CDKL2: variants seen among roughly 807,000 people sequenced by gnomAD.
CDKL2 encodes the protein cyclin-dependent kinase-like 2.
Under a neutral mutation model 63.9 loss-of-function variants are expected in CDKL2, and 64 were observed. That is an observed-to-expected ratio of 1.00 (90% confidence interval 0.82 to 1.23). The LOEUF (loss-of-function observed/expected upper bound fraction) is 1.23. Ranked by LOEUF, CDKL2 falls within the 50% of genes most tolerant of loss-of-function variation. The pLI is 0.00. For synonymous variants in CDKL2, 211 were observed against 229.2 expected (o/e 0.92, Z 0.72); for missense variants, 656 against 668.0 (o/e 0.98, Z 0.20).
intron 3 of CDKL2, among the ~76,000 whole-genome samples, chr4:75,610,877 C>T (rs1357502566): frequency 6.6e-6 from 1 of 152,042 alleles, no homozygotes; most frequent in African/African-American, 2.4e-5. Flanking sequence ...CCAGCCACTA[C>T]CGTTATTATC....
intron 7 of CDKL2, among the ~76,000 whole-genome samples, chr4:75,599,881 A>G (rs1217876723): frequency 6.6e-6 from 1 of 152,214 alleles, no homozygotes; most frequent in Non-Finnish European, 1.5e-5. Context: ...TCTCCAACAC[A>G]TCAGCAGTGT....
At chr4:75,589,536 C>T (rs1688772883) in intron 12 of CDKL2, among the ~76,000 whole-genome samples, 2 of 151,524 alleles carry the variant, frequency 1.3e-5, no homozygotes, top group African/African-American at 4.8e-5. Context: ...GATCTCCTGA[C>T]CTCGTGATCC....
chr4:75,587,328 C>A (rs1377661445), intron 12 of CDKL2, among the ~76,000 whole-genome samples: 1 of 152,000 alleles, frequency 6.6e-6, no homozygotes, highest in Non-Finnish European at 1.5e-5. Context: ...GTGGCTCATG[C>A]CTGTAATCCC....
At chr4:75,615,226 G>A (rs1051519269) in intron 2 of CDKL2, among the ~76,000 whole-genome samples, 1 of 152,090 alleles carries the variant, frequency 6.6e-6, no homozygotes, top group African/African-American at 2.4e-5. Context: ...GTGAATTATG[G>A]TAAATTCCTG....
chr4:75,597,284 G>A, intron 8 of CDKL2, 48 bp from the exon 9 acceptor site: 2 of 1,212,134 alleles, frequency 1.6e-6, no homozygotes, highest in Non-Finnish European at 2.3e-6. Flanking sequence ...TGAAGAGAAT[G>A]AAAATTTACC....
In CDKL2 at chr4:75,602,987, C is replaced by CTTTT. The variant is rs1165939407; in HGVS notation, c.795+826_795+829dup. 5.8e-4 allele frequency among the ~76,000 whole-genome samples: 51 copies of CTTTT among 87,462 alleles called. 1 individual carries two copies. Among genetic ancestry groups the CTTTT allele is most frequent in the African/African-American group, 9.9e-4 (22 of 22,174 alleles). The allele number at this position is 87,462 out of a possible 152,430, so 57.4% of individuals were successfully genotyped here. On this transcript the variant is annotated intron_variant, in intron 6 of 13. Transcript: ENST00000307465. ...AATGCTAGATAACAATAAATGGTTT[C>CTTTT]TTTTTTTTTTTTTTTTTTTTTTTGA...
At chr4:75,605,488 C>A (rs760233144) in intron 5 of CDKL2, 34 bp downstream of exon 5, 6 of 1,276,068 alleles carry the variant, frequency 4.7e-6, no homozygotes, top group Admixed American at 1.9e-5. Flanking sequence ...GCAGAAAAAT[C>A]TCTAAAATTT....
chr4:75,598,010 T>C (rs1283464955), intron 8 of CDKL2, 67 bp downstream of exon 8: 5 of 1,130,684 alleles, frequency 4.4e-6, no homozygotes, highest in Middle Eastern at 3.0e-4. Flanking sequence ...TTCAAAATCA[T>C]ATTTTTTCTC....
Position 75,607,191 on chromosome 4 carries a change from C to T in CDKL2, c.534G>A (p.Lys178=), listed in dbSNP as rs1729454877. The T allele has an allele frequency of 1.2e-6, 2 of 1,606,826 alleles. No individual in the cohort carries two copies. The highest frequency in any genetic ancestry group is 1.7e-5 in the Admixed American group (1 of 58,988). ...RAPELLVGDV[K]YGKAVDVWAI... is the part of the protein sequence containing the mutation. ...CATTACTGATGTCTTACTTGCCATA[C>T]TTGACATCACCAACCAATAGTTCTG... is the stretch of plus-strand genomic sequence containing the variant. Residue 178 remains lysine (K), a synonymous_variant, in exon 4 of 14, where the codon AAG becomes AAA. Transcript: ENST00000307465.
At chr4:75,605,673 A>C in intron 4 of CDKL2, 39 bp from the exon 5 acceptor site, 1 of 1,357,212 alleles carries the variant, frequency 7.4e-7, no homozygotes, top group Non-Finnish European at 1.1e-6. Flanking sequence ...CTGGCATCCT[A>C]ATATGCTCCA....
intron 6 of CDKL2, among the ~76,000 whole-genome samples, chr4:75,602,058 A>G (rs1302733466): frequency 6.6e-6 from 1 of 152,236 alleles, no homozygotes; most frequent in African/African-American, 2.4e-5. Context: ...CAAATACAAC[A>G]AAAAAGTATT....
chr4:75,609,364 T>A (rs1729574580), intron 3 of CDKL2, among the ~76,000 whole-genome samples: 1 of 151,944 alleles, frequency 6.6e-6, no homozygotes, highest in Admixed American at 6.6e-5. Context: ...CCCAGCACTT[T>A]GGGAGGTTGA....
chr4:75,587,222 G>A (rs1024362514), intron 12 of CDKL2, among the ~76,000 whole-genome samples: 2 of 152,080 alleles, frequency 1.3e-5, no homozygotes, highest in Admixed American at 1.3e-4. Context: ...GGGAGGCTGA[G>A]GTGGGTGTAT....
At chr4:75,613,116 C>T (rs1459550583) in intron 3 of CDKL2, among the ~76,000 whole-genome samples, 1 of 68,296 alleles carries the variant, frequency 1.5e-5, no homozygotes. Context: ...TAGAGGGAGA[C>T]TCCGTTTCAA....
rs1424254733 is a variant in CDKL2 at position 75,625,913 on chromosome 4, T to G, written c.76A>C (p.Thr26Pro). The change falls in exon 2 of 14, where the codon ACT becomes CCT. Residue 26 changes from threonine (T) to proline (P), a missense_variant. Transcript: ENST00000307465. Reference protein sequence around the residue: ...GMVMKCRNKDTGRIVAIKKFL... With the variant: ...GMVMKCRNKDPGRIVAIKKFL... ...TTCTTTATGGCCACAATTCTTCCAG[T>G]ATCTTTATTCCTACACTTCATCACC... 4 of 1,612,840 alleles carry G rather than the reference T, an allele frequency of 2.5e-6. No individual in the cohort carries two copies. The Admixed American group carries it at 6.7e-5, about 27-fold the overall frequency.
chr4:75,622,743 A>AAAAAAAAAAAAAAG (rs1730212598), intron 2 of CDKL2, among the ~76,000 whole-genome samples: 1 of 149,326 alleles, frequency 6.7e-6, no homozygotes, highest in Non-Finnish European at 1.5e-5. Flanking sequence ...AAAAAAAAAA[A>AAAAAAAAAAAAAAG]ACAGACAAGA....
At chr4:75,614,497 GT>G in intron 2 of CDKL2, 48 bp from the exon 3 acceptor site, 1 of 1,186,312 alleles carries the variant, frequency 8.4e-7, no homozygotes, top group Non-Finnish European at 1.2e-6. Flanking sequence ...ATGCAAAATA[GT>G]TTATATAAAC....
intron 3 of CDKL2, among the ~76,000 whole-genome samples, chr4:75,609,238 C>T (rs1729567801): frequency 6.6e-6 from 1 of 151,984 alleles, no homozygotes; most frequent in Non-Finnish European, 1.5e-5. Context: ...AAAGAGTAAA[C>T]AAAAACATTA....
chr4:75,579,673 T>A (rs1728176874), intron 13 of CDKL2, among the ~76,000 whole-genome samples: 1 of 151,986 alleles, frequency 6.6e-6, no homozygotes, highest in South Asian at 2.1e-4. Flanking sequence ...CGAAACTCCG[T>A]CTCAAAAAAA....
Sources: gnomAD v4.1 joint callset for allele counts (sites outside exome capture counted in the v4.1 genomes callset) on GRCh38, gnomAD v4.1.1 for gene constraint, MANE v1.5 for transcripts, NCBI Gene and HGNC (gene_info 2026-07-23, HGNC 2026-07-21) for gene names.